The following DAB1 variants were observed in gnomAD, a reference collection of about 807,000 sequenced individuals.
DAB1 encodes the protein disabled homolog 1.
A neutral mutation model predicts 64.6 loss-of-function variants in DAB1; 15 were observed. The ratio of observed to expected loss-of-function variants is 0.23; its 90% CI spans 0.16 to 0.36. The LOEUF (loss-of-function observed/expected upper bound fraction) is 0.36. Among genes scored for constraint, DAB1 ranks in the 10% least tolerant of loss-of-function variants. DAB1 has a pLI of 1.00. For missense variants in DAB1, 596 were observed against 706.7 expected (o/e 0.84, Z 1.78); for synonymous variants, 235 against 251.9 (o/e 0.93, Z 0.64).
At chr1:57,089,743 G>A (rs977592300) in intron 4 of DAB1, among the ~76,000 whole-genome samples, 12 of 152,134 alleles carry the variant, frequency 7.9e-5, no homozygotes, top group Non-Finnish European at 1.6e-4. Context: ...GAGATTTGAT[G>A]GGGACATATA....
intron 2 of DAB1, among the ~76,000 whole-genome samples, chr1:57,209,150 T>C (rs932533419): frequency 2.0e-5 from 3 of 152,052 alleles, no homozygotes; most frequent in Non-Finnish European, 2.9e-5. Flanking sequence ...AAATAAGAAA[T>C]AGATGGAAGA....
intron 3 of DAB1, among the ~76,000 whole-genome samples, chr1:58,345,905 G>A (rs182960119): frequency 6.6e-6 from 1 of 152,204 alleles, no homozygotes; most frequent in Non-Finnish European, 1.5e-5. Context: ...CCCCGTCCTG[G>A]GTCAATTCTA....
At chr1:58,153,739 T>C (rs745871561) in intron 4 of DAB1, among the ~76,000 whole-genome samples, 2 of 151,520 alleles carry the variant, frequency 1.3e-5, no homozygotes, top group Non-Finnish European at 2.9e-5. Flanking sequence ...AAGAATCTGC[T>C]TCTTACAGAA....
chr1:57,038,609 T>C (rs565691199), intron 9 of DAB1, among the ~76,000 whole-genome samples: 2 of 152,296 alleles, frequency 1.3e-5, no homozygotes, highest in African/African-American at 4.8e-5. Context: ...TAGTCCTCCT[T>C]CTTCCAGCTT....
intron 5 of DAB1, among the ~76,000 whole-genome samples, chr1:57,986,964 G>A (rs1332505151): frequency 6.6e-6 from 1 of 152,188 alleles, no homozygotes; most frequent in Non-Finnish European, 1.5e-5. Flanking sequence ...CGAGGTCAGA[G>A]ACTTTAAATG....
chr1:58,119,326 C>T (rs1021362120), intron 5 of DAB1, among the ~76,000 whole-genome samples: 1 of 151,930 alleles, frequency 6.6e-6, no homozygotes, highest in Non-Finnish European at 1.5e-5. Flanking sequence ...CTGACATGAA[C>T]TGACAGAATG....
At chr1:58,257,729 AAAC>A (rs1446100990) in intron 4 of DAB1, among the ~76,000 whole-genome samples, 2 of 152,244 alleles carry the variant, frequency 1.3e-5, no homozygotes, top group African/African-American at 4.8e-5. Context: ...GATTCTTTAT[AAAC>A]AACTCTACAA....
chr1:57,791,128 G>T (rs1205899483), intron 6 of DAB1, among the ~76,000 whole-genome samples: 3 of 152,120 alleles, frequency 2.0e-5, no homozygotes, highest in African/African-American at 7.2e-5. Flanking sequence ...CTACCCTCTA[G>T]TAGCTTATAG....
intron 3 of DAB1, among the ~76,000 whole-genome samples, chr1:58,377,429 T>G (rs2100543319): frequency 7.1e-6 from 1 of 140,766 alleles, no homozygotes; most frequent in Admixed American, 7.1e-5. Flanking sequence ...TATTTCTCCT[T>G]CACTTATGAA....
At chr1:58,018,155 C>T (rs967822872) in intron 5 of DAB1, among the ~76,000 whole-genome samples, 2 of 151,706 alleles carry the variant, frequency 1.3e-5, no homozygotes, top group Non-Finnish European at 2.9e-5. Context: ...CACGTTCCCT[C>T]ACTCTCTCTG....
intron 4 of DAB1, among the ~76,000 whole-genome samples, chr1:58,340,876 A>T (rs983461808): frequency 1.3e-5 from 2 of 152,116 alleles, no homozygotes; most frequent in African/African-American, 4.8e-5. Context: ...AAGCAGAAAA[A>T]CTTGGTACAT....
At chr1:57,606,102 T>C (rs1345030412) in intron 7 of DAB1, 3 of 472,900 alleles carry the variant, frequency 6.3e-6, no homozygotes, top group African/African-American at 3.9e-5. Context: ...AGTCAGCACA[T>C]ACCATCTCCT....
At chr1:57,088,730 C>T (rs528400206) in intron 4 of DAB1, among the ~76,000 whole-genome samples, 2 of 152,302 alleles carry the variant, frequency 1.3e-5, no homozygotes, top group South Asian at 2.1e-4. Context: ...CTGCACAAAT[C>T]GGAATGTAGT....
intron 5 of DAB1, among the ~76,000 whole-genome samples, chr1:58,068,994 G>A (rs182265897): frequency 5.9e-5 from 9 of 152,252 alleles, no homozygotes; most frequent in Admixed American, 3.3e-4. Context: ...GGTGTGCAGA[G>A]TCCATCCTTG....
chr1:57,146,862 C>A (rs908991046), intron 2 of DAB1, among the ~76,000 whole-genome samples: 1 of 152,028 alleles, frequency 6.6e-6, no homozygotes, highest in East Asian at 1.9e-4. Flanking sequence ...ATCATAGGTC[C>A]CTCTCGTAAG....
At chr1:57,610,737 T>G (rs192128512) in intron 7 of DAB1, among the ~76,000 whole-genome samples, 1 of 152,248 alleles carries the variant, frequency 6.6e-6, no homozygotes, top group East Asian at 1.9e-4. Context: ...CATTAGGTCT[T>G]ATGAGAACTC....
intron 7 of DAB1, among the ~76,000 whole-genome samples, chr1:57,597,982 T>G (rs1405391633): frequency 1.3e-5 from 2 of 152,190 alleles, no homozygotes; most frequent in African/African-American, 4.8e-5. Context: ...ATTTTTATTT[T>G]TATTTATTTC....
chr1:57,121,117 G>GGAA (rs1166402416), intron 4 of DAB1, among the ~76,000 whole-genome samples: 1 of 141,608 alleles, frequency 7.1e-6, no homozygotes, highest in Non-Finnish European at 1.5e-5. Context: ...AAGAAGAAGA[G>GGAA]GAAGAAGAAG....
chr1:57,055,782 A>ATTT (rs113609254), intron 9 of DAB1, among the ~76,000 whole-genome samples: 1 of 151,042 alleles, frequency 6.6e-6, no homozygotes, highest in Admixed American at 6.6e-5. Flanking sequence ...TCATGCATAC[A>ATTT]TTTTTTTTTC....
Sources: allele counts gnomAD v4.1 joint callset (sites outside exome capture counted in the v4.1 genomes callset), GRCh38; gene constraint gnomAD v4.1.1; transcripts MANE v1.5; gene names NCBI Gene and HGNC (gene_info 2026-07-23, HGNC 2026-07-21).